The following CABLES1 variants were observed in gnomAD, a reference collection of about 807,000 sequenced individuals.
The protein encoded by CABLES1 is Cdk5 and Abl enzyme substrate 1, also known as CDK5 and ABL1 enzyme substrate 1.
Under a neutral mutation model 57.8 loss-of-function variants are expected in CABLES1, and 36 were observed. The ratio of observed to expected loss-of-function variants is 0.62; its 90% CI spans 0.48 to 0.82. The LOEUF is 0.82. Ranked by LOEUF, CABLES1 falls within the 40% of genes least tolerant of loss-of-function variation. CABLES1 has a pLI of 0.00. For synonymous variants in CABLES1, 374 were observed against 363.0 expected (o/e 1.03, Z -0.35); for missense variants, 767 against 836.6 (o/e 0.92, Z 1.03).
At chr18:23,202,482 G>T (rs1598827208) in intron 3 of CABLES1, among the ~76,000 whole-genome samples, 1 of 152,204 alleles carries the variant, frequency 6.6e-6, no homozygotes, top group Non-Finnish European at 1.5e-5. Flanking sequence ...ATTGTAAGAG[G>T]AGAGCCAGTC....
chr18:23,253,975 C>G (rs1205619333), intron 9 of CABLES1, 39 bp downstream of exon 9: 1 of 1,567,336 alleles, frequency 6.4e-7, no homozygotes, highest in Middle Eastern at 1.7e-4. Context: ...GGAGCACATG[C>G]TCCGGTCCGG....
In CABLES1 at chr18:23,252,989, G is replaced by A. The variant is rs780818372; in HGVS notation, c.1476G>A (p.Ser492=). The A allele has an allele frequency of 1.2e-5, 19 of 1,613,224 alleles. No individual in the cohort carries two copies. In the Admixed American group the frequency reaches 1.3e-4, roughly 11 times the overall value. Residue 492 remains serine, a synonymous_variant, in exon 8 of 10, where the codon TCG becomes TCA. Transcript: ENST00000256925. ...MTTVIDYVKP[S]DLKKDMNETF... ...CAGTGATTGACTACGTGAAGCCCTCGGATCTCAAGAAGGACATGAACGAGA... is the reference window on the plus strand; with the variant it reads ...CAGTGATTGACTACGTGAAGCCCTCAGATCTCAAGAAGGACATGAACGAGA...
intron 6 of CABLES1, among the ~76,000 whole-genome samples, 200 bp downstream of exon 6, chr18:23,236,251 G>A (rs1202836049): frequency 6.6e-6 from 1 of 152,180 alleles, no homozygotes; most frequent in Non-Finnish European, 1.5e-5. Flanking sequence ...TGACCCAGTC[G>A]TTGACAGCCT....
rs1048888092 is a variant in CABLES1 at position 23,257,491 on chromosome 18, T to C, written c.*124T>C. 5 of 1,140,908 alleles carry C rather than the reference T, an allele frequency of 4.4e-6. No individual in the cohort carries two copies. Among genetic ancestry groups the C allele is most frequent in the Non-Finnish European group, 4.8e-6 (4 of 833,998 alleles). The allele number at this position is 1,140,908 out of a possible 1,614,324, so 70.7% of individuals were successfully genotyped here. On this transcript the variant is annotated 3_prime_UTR_variant, in exon 10 of 10. Transcript: ENST00000256925. Reference sequence around the variant, plus strand: ...AGACTTTTCTTCCTCTCGACATAGTTTGGGGAGAAGCAGTACTAGAAACTT... The same window carrying C: ...AGACTTTTCTTCCTCTCGACATAGTCTGGGGAGAAGCAGTACTAGAAACTT...
intron 4 of CABLES1, 44 bp from the exon 5 acceptor site, chr18:23,234,564 G>A: frequency 7.1e-7 from 1 of 1,408,006 alleles, no homozygotes; most frequent in Non-Finnish European, 1.0e-6. Flanking sequence ...GCTCTTTGAG[G>A]TGCACACAAA....
intron 4 of CABLES1, among the ~76,000 whole-genome samples, chr18:23,216,330 T>C (rs146236328): frequency 0.012 from 1,873 of 152,292 alleles, 12 homozygotes; most frequent in Middle Eastern, 0.024. Flanking sequence ...CCCCAGTCTG[T>C]TCAGCCGTAA....
In CABLES1 at chr18:23,136,341, A is replaced by G. The variant is rs778234835; in HGVS notation, c.579A>G (p.Gln193=). 9.6e-5 allele frequency: 140 copies of G among 1,459,166 alleles called. No homozygotes were observed. Among genetic ancestry groups the G allele is most frequent in the Non-Finnish European group, 1.2e-4 (136 of 1,107,130 alleles). The allele number at this position is 1,459,166 out of a possible 1,614,324, so 90.4% of individuals were successfully genotyped here. The stretch of plus-strand genomic sequence containing the variant: ...CGGCGCCTCTCGCCGCCTGTGCCCA[A>G]CTGCAGCTGCTCGACGGGTCCGGGG... The part of the protein sequence containing the change: ...PRPAPLAACA[Q]LQLLDGSGAA... Residue 193 remains glutamine, a synonymous_variant, in exon 1 of 10, where the codon CAA becomes CAG. Coordinates refer to ENST00000256925, the MANE Select transcript of CABLES1 (RefSeq NM_001100619.3).
chr18:23,143,651 G>C (rs997581892), intron 1 of CABLES1, among the ~76,000 whole-genome samples: 1 of 152,238 alleles, frequency 6.6e-6, no homozygotes, highest in Non-Finnish European at 1.5e-5. Flanking sequence ...CCTATTCCCT[G>C]GCTTGTCACA....
At chr18:23,232,698 G>T (rs2047575013) in intron 4 of CABLES1, among the ~76,000 whole-genome samples, 1 of 152,174 alleles carries the variant, frequency 6.6e-6, no homozygotes, top group African/African-American at 2.4e-5. Flanking sequence ...TTTGAGGGTG[G>T]CACTACCATG....
chr18:23,161,746 T>TA (rs2047006024), intron 1 of CABLES1, among the ~76,000 whole-genome samples: 1 of 34,620 alleles, frequency 2.9e-5, no homozygotes, highest in African/African-American at 1.4e-4. Flanking sequence ...CCGTCTCTAC[T>TA]AAAAATCCAA....
rs2048194580 is a variant in CABLES1 at position 23,257,381 on chromosome 18, G to A, written c.*14G>A. 3 of 1,580,242 alleles carry A rather than the reference G, an allele frequency of 1.9e-6. No homozygotes were observed. The highest frequency in any genetic ancestry group is 1.7e-4 in the Middle Eastern group (1 of 5,962). On this transcript the variant is annotated 3_prime_UTR_variant, in exon 10 of 10. Transcript: ENST00000256925. ...CAGAGTTCCTAGCACTGGCCCCGAG[G>A]ACAGCCAAGGGCCATTTCTTCTCAG...
intron 1 of CABLES1, among the ~76,000 whole-genome samples, chr18:23,161,755 A>G (rs1239453785): frequency 1.7e-5 from 2 of 119,474 alleles, no homozygotes; most frequent in Non-Finnish European, 3.2e-5. Flanking sequence ...CTAAAAATCC[A>G]AAAAAAAAAA....
chr18:23,183,336 T>C (rs1336995665), intron 1 of CABLES1, among the ~76,000 whole-genome samples: 1 of 152,202 alleles, frequency 6.6e-6, no homozygotes, highest in Non-Finnish European at 1.5e-5. Flanking sequence ...TGACCAGCCC[T>C]GCGTCCCGGG....
intron 4 of CABLES1, among the ~76,000 whole-genome samples, chr18:23,224,414 C>T (rs1194286423): frequency 6.6e-6 from 1 of 152,114 alleles, no homozygotes; most frequent in African/African-American, 2.4e-5. Context: ...ACTAGCCTTA[C>T]TGACCCCAGC....
At chr18:23,154,650 G>A (rs2046954075) in intron 1 of CABLES1, among the ~76,000 whole-genome samples, 1 of 152,180 alleles carries the variant, frequency 6.6e-6, no homozygotes, top group Non-Finnish European at 1.5e-5. Flanking sequence ...TACAGATTTT[G>A]TAGGGGCTGA....
intron 1 of CABLES1, among the ~76,000 whole-genome samples, chr18:23,155,267 A>G (rs752445475): frequency 6.6e-6 from 1 of 152,236 alleles, no homozygotes; most frequent in Non-Finnish European, 1.5e-5. Context: ...ATATTTACAT[A>G]GGAGTTCAGC....
chr18:23,215,045 C>T (rs1164490555), intron 4 of CABLES1, among the ~76,000 whole-genome samples: 2 of 152,322 alleles, frequency 1.3e-5, no homozygotes, highest in East Asian at 3.9e-4. Flanking sequence ...TCATGGAATC[C>T]TGACTCAGTC....
chr18:23,140,662 T>C (rs529213526), intron 1 of CABLES1, among the ~76,000 whole-genome samples: 1 of 152,170 alleles, frequency 6.6e-6, no homozygotes, highest in East Asian at 1.9e-4. Flanking sequence ...GGTCTCGAAC[T>C]CCTGACCTCA....
chr18:23,254,075 T>C (rs1448369014), intron 9 of CABLES1, 139 bp downstream of exon 9: 14 of 694,656 alleles, frequency 2.0e-5, no homozygotes, highest in Non-Finnish European at 3.2e-5. Flanking sequence ...TATGAAGTCT[T>C]TCCCATAGTG....
Sources: gnomAD v4.1 joint callset for allele counts (sites outside exome capture counted in the v4.1 genomes callset) on GRCh38, gnomAD v4.1.1 for gene constraint, MANE v1.5 for transcripts, NCBI Gene and HGNC (gene_info 2026-07-23, HGNC 2026-07-21) for gene names.